Variants in ADAMTSL1 observed in about 807,000 individuals in gnomAD.
ADAMTSL1 encodes ADAMTS-like protein 1.
ADAMTSL1 carries 126 observed loss-of-function variants against 201.8 expected under a neutral mutation model. The ratio of observed to expected loss-of-function variants is 0.62; its 90% CI spans 0.54 to 0.72. The LOEUF (loss-of-function observed/expected upper bound fraction) is 0.72. Ranked by LOEUF, ADAMTSL1 falls within the 30% of genes least tolerant of loss-of-function variation. ADAMTSL1 has a pLI of 0.00. For synonymous variants in ADAMTSL1, 1,121 were observed against 903.4 expected, an observed-to-expected ratio of 1.24 and a Z score of -4.32; for missense variants, 2,679 against 2,277.8, an observed-to-expected ratio of 1.18 and a Z score of -3.59.
chr9:18,643,382 T>C (rs1038568261), intron 7 of ADAMTSL1, among the ~76,000 whole-genome samples: 7 of 152,100 alleles, frequency 4.6e-5, no homozygotes, highest in African/African-American at 1.7e-4. Flanking sequence ...CTTCACTCTG[T>C]TGATTGTTTC....
At chr9:18,312,069 G>A (rs1021634642) in intron 2 of ADAMTSL1, among the ~76,000 whole-genome samples, 3 of 152,188 alleles carry the variant, frequency 2.0e-5, no homozygotes, top group African/African-American at 7.2e-5. Flanking sequence ...AAAATGTGCA[G>A]TATTCAGGCA....
intron 2 of ADAMTSL1, among the ~76,000 whole-genome samples, chr9:18,252,044 A>G (rs1244985086): frequency 1.3e-5 from 2 of 152,134 alleles, no homozygotes; most frequent in Non-Finnish European, 2.9e-5. Flanking sequence ...AAGACAGGAA[A>G]CCAAGATACT....
intron 20 of ADAMTSL1, among the ~76,000 whole-genome samples, chr9:18,809,761 C>A (rs1302435364): frequency 3.9e-5 from 6 of 152,024 alleles, no homozygotes; most frequent in African/African-American, 1.4e-4. Context: ...TGCACTCCAG[C>A]CTGGGCAACA....
At chr9:18,081,047 A>G (rs1271470181) in intron 1 of ADAMTSL1, among the ~76,000 whole-genome samples, 1 of 152,252 alleles carries the variant, frequency 6.6e-6, no homozygotes. Flanking sequence ...CCTTACTTAT[A>G]AAGATGACTT....
chr9:18,468,989 T>C (rs1020463106), intron 2 of ADAMTSL1, among the ~76,000 whole-genome samples: 1 of 152,208 alleles, frequency 6.6e-6, no homozygotes, highest in African/African-American at 2.4e-5. Context: ...TAAAATCATA[T>C]TTTTTGCCCA....
At chr9:18,224,264 G>A (rs66545548) in intron 2 of ADAMTSL1, among the ~76,000 whole-genome samples, 7,048 of 152,146 alleles carry the variant, frequency 0.046, 195 homozygotes, top group Middle Eastern at 0.078. Context: ...CAGCAGGTTC[G>A]GTGTCTGGTC....
rs778697190 is a variant in ADAMTSL1 at position 18,795,374 on chromosome 9, A to T, written c.3678-23A>T. On this transcript the variant is annotated intron_variant, in intron 19 of 28. Transcript: ENST00000380548. ...GGAGTCAACTGACTTGACCAGGTCT[A>T]TATTTCTTTTCTGTCGCTCCAGGAT... The T allele has an allele frequency of 1.2e-5, 19 of 1,613,346 alleles. 1 individual carries two copies. Among genetic ancestry groups the T allele is most frequent in the Middle Eastern group, 1.6e-4 (1 of 6,074 alleles).
intron 2 of ADAMTSL1, among the ~76,000 whole-genome samples, chr9:18,279,174 A>C (rs1384717681): frequency 2.0e-5 from 3 of 152,156 alleles, no homozygotes; most frequent in Non-Finnish European, 4.4e-5. Flanking sequence ...AATTGGTTCC[A>C]GAACTGCCCA....
chr9:18,021,612 T>C (rs1413583704), intron 1 of ADAMTSL1, among the ~76,000 whole-genome samples: 1 of 152,114 alleles, frequency 6.6e-6, no homozygotes, highest in African/African-American at 2.4e-5. Flanking sequence ...CAATTATTAG[T>C]AAGGTCTAAT....
chr9:18,733,993 C>T (rs1818369736), intron 15 of ADAMTSL1, among the ~76,000 whole-genome samples: 1 of 149,840 alleles, frequency 6.7e-6, no homozygotes, highest in South Asian at 2.2e-4. Flanking sequence ...ATGACTGATT[C>T]CTATCCCTTT....
intron 13 of ADAMTSL1, among the ~76,000 whole-genome samples, chr9:18,694,487 C>T (rs556621070): frequency 3.0e-4 from 45 of 152,262 alleles, no homozygotes; most frequent in East Asian, 5.8e-4. Context: ...GGTAAATACA[C>T]GCATTCTAAA....
At chr9:18,599,996 C>CAAAAAA (rs57914274) in intron 4 of ADAMTSL1, among the ~76,000 whole-genome samples, 12 of 86,952 alleles carry the variant, frequency 1.4e-4, no homozygotes, top group African/African-American at 3.8e-4. Flanking sequence ...ACTAAAAATA[C>CAAAAAA]AAAAAAAAAA....
At chr9:18,865,917 A>G (rs1827501751) in intron 23 of ADAMTSL1, among the ~76,000 whole-genome samples, 2 of 152,078 alleles carry the variant, frequency 1.3e-5, no homozygotes, top group Non-Finnish European at 2.9e-5. Flanking sequence ...AATGCTCCGC[A>G]TATACGTAGC....
chr9:18,084,151 A>G (rs1181178874), intron 1 of ADAMTSL1, among the ~76,000 whole-genome samples: 1 of 152,214 alleles, frequency 6.6e-6, no homozygotes, highest in Non-Finnish European at 1.5e-5. Flanking sequence ...CTAAAACCCA[A>G]GACTCTAATC....
At chr9:18,059,567 C>A (rs748236741) in intron 1 of ADAMTSL1, among the ~76,000 whole-genome samples, 27 of 152,086 alleles carry the variant, frequency 1.8e-4, no homozygotes, top group Non-Finnish European at 3.5e-4. Context: ...TTTTTTCTCA[C>A]AGACAATGAT....
chr9:18,804,533 A>C (rs1278302052), intron 20 of ADAMTSL1, among the ~76,000 whole-genome samples: 2 of 152,070 alleles, frequency 1.3e-5, no homozygotes, highest in African/African-American at 2.4e-5. Context: ...TAACAAAGCA[A>C]CTCTTATGGG....
chr9:18,714,749 G>C (rs1446356732), intron 14 of ADAMTSL1, among the ~76,000 whole-genome samples: 1 of 152,064 alleles, frequency 6.6e-6, no homozygotes, highest in African/African-American at 2.4e-5. Flanking sequence ...CTCATTTGAT[G>C]AGGCCAGTAT....
At chr9:18,280,849 A>G (rs1168386590) in intron 2 of ADAMTSL1, among the ~76,000 whole-genome samples, 1 of 146,720 alleles carries the variant, frequency 6.8e-6, no homozygotes, top group Non-Finnish European at 1.5e-5. Flanking sequence ...ATCTCCCCAT[A>G]GTTACTGCTT....
At chr9:18,288,508 G>A (rs1178696146) in intron 2 of ADAMTSL1, among the ~76,000 whole-genome samples, 1 of 152,096 alleles carries the variant, frequency 6.6e-6, no homozygotes, top group Non-Finnish European at 1.5e-5. Flanking sequence ...ACATTACTTA[G>A]GTCATGTGAT....
Sources: allele counts gnomAD v4.1 joint callset (sites outside exome capture counted in the v4.1 genomes callset), GRCh38; gene constraint gnomAD v4.1.1; transcripts MANE v1.5; gene names NCBI Gene and HGNC (gene_info 2026-07-23, HGNC 2026-07-21).